The following MRAP2 variants were observed in gnomAD, a reference collection of about 807,000 sequenced individuals.
MRAP2 encodes the protein melanocortin-2 receptor accessory protein 2.
MRAP2 carries 20 observed loss-of-function variants against 17.4 expected under a neutral mutation model. The ratio of observed to expected loss-of-function variants is 1.15; its 90% CI spans 0.81 to 1.67. The LOEUF (loss-of-function observed/expected upper bound fraction) is 1.67. MRAP2 is among the 40% of genes most tolerant of loss of function. The probability of loss-of-function intolerance (pLI) is 0.00; values close to 1 mark genes in which losing one functional copy is unlikely to be tolerated. For missense variants in MRAP2, 238 were observed against 240.0 expected, an observed-to-expected ratio of 0.99 and a Z score of 0.05; for synonymous variants, 96 against 88.4, an observed-to-expected ratio of 1.09 and a Z score of -0.48.
chr6:84,093,704 A>G (rs1435664777), downstream of MRAP2, among the ~76,000 whole-genome samples: 1 of 152,162 alleles, frequency 6.6e-6, no homozygotes, highest in Non-Finnish European at 1.5e-5. Context: ...GTGGCTTCAC[A>G]TGCTTCTTTG....
the MRAP2 span, among the ~76,000 whole-genome samples, chr6:84,115,588 C>T: frequency 2.6e-5 from 4 of 152,166 alleles, no homozygotes; most frequent in South Asian, 8.3e-4. Context: ...GTGAACGGAT[C>T]TGTCTCGCTG....
the MRAP2 span, among the ~76,000 whole-genome samples, chr6:84,122,866 G>A: frequency 6.6e-6 from 1 of 152,026 alleles, no homozygotes; most frequent in Non-Finnish European, 1.5e-5. Context: ...GACTTGACAA[G>A]TGAGTTCAGT....
the MRAP2 span, among the ~76,000 whole-genome samples, chr6:84,133,742 G>A: frequency 1.3e-5 from 2 of 152,140 alleles, no homozygotes; most frequent in Non-Finnish European, 2.9e-5. Flanking sequence ...GGAGTGTCCC[G>A]ATTTTCCAGG....
intron 2 of MRAP2, among the ~76,000 whole-genome samples, chr6:84,061,085 A>G (rs192300116): frequency 1.4e-3 from 212 of 152,218 alleles, no homozygotes; most frequent in African/African-American, 4.8e-3. Flanking sequence ...GGTTAGACAC[A>G]TTAGTTTTTC....
chr6:84,055,620 G>GT (rs1371608999), intron 2 of MRAP2, among the ~76,000 whole-genome samples, 175 bp downstream of exon 2: 1 of 152,160 alleles, frequency 6.6e-6, no homozygotes, highest in African/African-American at 2.4e-5. Context: ...CTCAGGAATG[G>GT]TACAGGAGGG....
At chr6:84,063,808 A>G (rs1031651173) in intron 3 of MRAP2, among the ~76,000 whole-genome samples, 1 of 152,170 alleles carries the variant, frequency 6.6e-6, no homozygotes, top group Non-Finnish European at 1.5e-5. Flanking sequence ...GCACTTTGGG[A>G]GGCCAAGGCA....
intron 3 of MRAP2, among the ~76,000 whole-genome samples, chr6:84,075,353 G>A (rs1311261139): frequency 6.6e-6 from 1 of 152,196 alleles, no homozygotes; most frequent in East Asian, 1.9e-4. Context: ...GAGGAAGAAA[G>A]ACTGTTATAA....
chr6:84,075,027 A>T (rs1042320786), intron 3 of MRAP2, among the ~76,000 whole-genome samples: 1 of 152,182 alleles, frequency 6.6e-6, no homozygotes, highest in African/African-American at 2.4e-5. Flanking sequence ...GGTATGACAC[A>T]ACAAAGGTTT....
chr6:84,087,844 G>A (rs2099500883), intron 3 of MRAP2, among the ~76,000 whole-genome samples: 1 of 152,142 alleles, frequency 6.6e-6, no homozygotes, highest in Admixed American at 6.5e-5. Context: ...TGTCACCCAG[G>A]TAACCATGCT....
At chr6:84,122,294 G>A in the MRAP2 span, among the ~76,000 whole-genome samples, 190 of 118,182 alleles carry the variant, frequency 1.6e-3, no homozygotes, top group Middle Eastern at 0.034. Flanking sequence ...TCTTCCTGAT[G>A]AACATAGATG....
chr6:84,092,932 C>G (rs2099502017), downstream of MRAP2, among the ~76,000 whole-genome samples: 1 of 152,156 alleles, frequency 6.6e-6, no homozygotes, highest in South Asian at 2.1e-4. Context: ...AATAACAAAT[C>G]CTTCAAACTG....
upstream of MRAP2, chr6:84,033,651 G>A (rs1472208954): frequency 1.0e-6 from 1 of 979,960 alleles, no homozygotes; most frequent in African/African-American, 1.8e-5. Context: ...GCCTCGCGCT[G>A]GGGAGGCGGC....
At chr6:84,059,758 C>T (rs1469863358) in intron 2 of MRAP2, among the ~76,000 whole-genome samples, 3 of 152,276 alleles carry the variant, frequency 2.0e-5, no homozygotes, top group East Asian at 1.9e-4. Context: ...GGTAGCTTGG[C>T]GGTGGTGGAA....
At chr6:84,096,990 T>C in the MRAP2 span, among the ~76,000 whole-genome samples, 2 of 152,220 alleles carry the variant, frequency 1.3e-5, no homozygotes, top group African/African-American at 2.4e-5. Context: ...CTGTCCTAAA[T>C]TAATTTTTGT....
chr6:84,083,053 G>A (rs1287140003), intron 3 of MRAP2, among the ~76,000 whole-genome samples: 1 of 151,604 alleles, frequency 6.6e-6, no homozygotes, highest in Non-Finnish European at 1.5e-5. Context: ...ACCCGACCCC[G>A]GCCAATAGAA....
chr6:84,040,500 G>C (rs577887549), intron 1 of MRAP2, among the ~76,000 whole-genome samples: 1 of 152,306 alleles, frequency 6.6e-6, no homozygotes, highest in Admixed American at 6.5e-5. Flanking sequence ...ACAGGAAAAT[G>C]TGGGCAAGTT....
In MRAP2 at chr6:84,089,812, G is replaced by GTTT; in HGVS notation, c.*340_*342dup. 5 of 136,248 alleles carry GTTT rather than the reference G, an allele frequency of 3.7e-5. No homozygotes were observed. The highest frequency in any genetic ancestry group is 1.9e-4 in the South Asian group (1 of 5,180). 8.4% of individuals were successfully genotyped at this position (136,248 alleles called of 1,614,324 possible). ...TAAACTTTATTAAAACATGAGTTTT[G>GTTT]TTTTTTTTTTTGCTATTTTTTTTAA... On this transcript the variant is annotated 3_prime_UTR_variant, in exon 4 of 4. Coordinates refer to ENST00000257776, the MANE Select transcript of MRAP2 (RefSeq NM_138409.4).
chr6:84,033,888 C>A lies in MRAP2; in HGVS notation c.-8+5C>A. The A allele has an allele frequency of 7.1e-6, 7 of 983,038 alleles. No homozygotes were observed. The highest frequency in any genetic ancestry group is 8.4e-6 in the Non-Finnish European group (7 of 830,054). The allele number at this position is 983,038 out of a possible 1,614,324, so 60.9% of individuals were successfully genotyped here. The stretch of plus-strand genomic sequence containing the variant: ...CGGGCCGGGGCTAGCCAGCCGGTAA[C>A]CACGGGCGGGACAGGGCGCCCAGGG... On this transcript the variant is annotated splice_donor_5th_base_variant and intron_variant, in intron 1 of 3. Transcript: ENST00000257776.
At chr6:84,077,074 C>G (rs2099497816) in intron 3 of MRAP2, among the ~76,000 whole-genome samples, 1 of 152,158 alleles carries the variant, frequency 6.6e-6, no homozygotes. Context: ...TAGTGCAAAG[C>G]TCTTTTAGGG....
Sources: gnomAD v4.1 joint callset for allele counts (sites outside exome capture counted in the v4.1 genomes callset) on GRCh38, gnomAD v4.1.1 for gene constraint, MANE v1.5 for transcripts, NCBI Gene and HGNC (gene_info 2026-07-23, HGNC 2026-07-21) for gene names.